Variants in IL1RN observed in about 807,000 individuals in gnomAD.
IL1RN encodes interleukin-1 receptor antagonist protein.
IL1RN carries 10 observed loss-of-function variants against 13.7 expected under a neutral mutation model. The ratio of observed to expected loss-of-function variants is 0.73; its 90% confidence interval spans 0.45 to 1.24. IL1RN has a LOEUF of 1.24. Ranked by LOEUF, IL1RN falls within the 50% of genes most tolerant of loss-of-function variation. IL1RN has a pLI of 0.00. For synonymous variants in IL1RN, 102 were observed against 82.7 expected (o/e 1.23, Z -1.27); for missense variants, 213 against 222.1 (o/e 0.96, Z 0.26).
intron 2 of IL1RN, among the ~76,000 whole-genome samples, chr2:113,121,075 CTCTTCT>C (rs144446043): frequency 8.8e-5 from 3 of 34,054 alleles, no homozygotes; most frequent in South Asian, 2.5e-3. Context: ...CCTCCTCCTC[CTCTTCT>C]TCTTCTTCTT....
At chr2:113,102,971 G>T (rs1377873721), upstream of IL1RN, among the ~76,000 whole-genome samples, 2 of 152,232 alleles carry the variant, frequency 1.3e-5, no homozygotes, top group African/African-American at 2.4e-5. Flanking sequence ...GGCACAGAAG[G>T]AGCTGGGATA....
At chr2:113,130,362 A>C (rs1009137377) in intron 2 of IL1RN, among the ~76,000 whole-genome samples, 1 of 152,258 alleles carries the variant, frequency 6.6e-6, no homozygotes, top group African/African-American at 2.4e-5. Context: ...CCTAATGAAC[A>C]CACTGAAGCA....
At chr2:113,107,850 AT>A (rs1286759989), upstream of IL1RN, among the ~76,000 whole-genome samples, 3 of 152,032 alleles carry the variant, frequency 2.0e-5, no homozygotes, top group African/African-American at 7.2e-5. Flanking sequence ...TCTTTTTAAA[AT>A]TTTTTTTGGG....
At position 113,127,799 on chromosome 2, in the gene IL1RN, T is replaced by C. The variant is rs903224841; in HGVS notation, c.116+59T>C. ...GGATCAGCTGGAGACTGGAAACATA[T>C]CACAGCTGCCAGGGGCTGCCAGGCC... On this transcript the variant is annotated intron_variant, in intron 1 of 3. Coordinates refer to ENST00000409930, the MANE Select transcript of IL1RN (RefSeq NM_173842.3). 6 of 1,557,848 alleles carry C rather than the reference T, an allele frequency of 3.9e-6. No homozygotes were observed. The African/African-American group carries it at 8.1e-5, about 21-fold the overall frequency.
At chr2:113,130,609 G>A (rs1483365537) in intron 2 of IL1RN, among the ~76,000 whole-genome samples, 1 of 129,480 alleles carries the variant, frequency 7.7e-6, no homozygotes, top group African/African-American at 3.0e-5. Flanking sequence ...TAACTGGGTA[G>A]TGTGCATCCT....
At position 113,132,868 on chromosome 2, in the gene IL1RN, G is replaced by T. The variant is rs776534958; in HGVS notation, c.531G>T (p.Glu177Asp). The change falls in exon 4 of 4, where the codon GAG becomes GAT. Residue 177 changes from glutamate (E) to aspartate (D), a missense_variant. Glu to Asp is a conservative substitution (Grantham distance 45). Transcript: ENST00000409930. ...MVTKFYFQED[E>D] The stretch of plus-strand genomic sequence containing the variant: ...CCAAATTCTACTTCCAGGAGGACGA[G>T]TAGTACTGCCCAGGCCTGCCTGTTC... The T allele has an allele frequency of 2.5e-6, 4 of 1,613,958 alleles. No homozygotes were observed. Among genetic ancestry groups the T allele is most frequent in the Non-Finnish European group, 3.4e-6 (4 of 1,179,804 alleles).
upstream of IL1RN, among the ~76,000 whole-genome samples, chr2:113,110,241 C>T (rs1686472523): frequency 1.3e-5 from 2 of 152,182 alleles, no homozygotes; most frequent in South Asian, 2.1e-4. Flanking sequence ...CACTCAAATC[C>T]CAGGTCCTAC....
chr2:113,119,957 T>C (rs1481758393), intron 1 of IL1RN: 1 of 854,384 alleles, frequency 1.2e-6, no homozygotes, highest in South Asian at 1.4e-5. Context: ...GGGTAAAGGA[T>C]AGAGATGGAA....
At chr2:113,112,306 T>C (rs1289059570) in intron 1 of IL1RN, among the ~76,000 whole-genome samples, 1 of 152,218 alleles carries the variant, frequency 6.6e-6, no homozygotes, top group South Asian at 2.1e-4. Context: ...TTTTTCTGGG[T>C]ATAGGACCCT....
chr2:113,118,193 T>C (rs1686645491), intron 1 of IL1RN, among the ~76,000 whole-genome samples: 1 of 152,146 alleles, frequency 6.6e-6, no homozygotes, highest in South Asian at 2.1e-4. Context: ...CGGGGAGGCA[T>C]CCATGGGAGA....
At chr2:113,124,446 C>A (rs996849981), upstream of IL1RN, among the ~76,000 whole-genome samples, 1 of 152,092 alleles carries the variant, frequency 6.6e-6, no homozygotes, top group Non-Finnish European at 1.5e-5. Context: ...ACAGCCCCCC[C>A]CCTTTGGAGT....
intron 1 of IL1RN, among the ~76,000 whole-genome samples, chr2:113,129,195 A>G (rs1328289377): frequency 2.0e-5 from 3 of 152,248 alleles, no homozygotes; most frequent in Non-Finnish European, 4.4e-5. Flanking sequence ...GTCAATAGCC[A>G]CATGTGGTTA....
intron 1 of IL1RN, among the ~76,000 whole-genome samples, chr2:113,111,997 T>C (rs1197897656): frequency 2.0e-5 from 3 of 152,236 alleles, no homozygotes; most frequent in South Asian, 2.1e-4. Flanking sequence ...CCCCAGACTT[T>C]GGGTTGTTGT....
At chr2:113,106,204 A>G (rs1471782403), upstream of IL1RN, among the ~76,000 whole-genome samples, 1 of 152,248 alleles carries the variant, frequency 6.6e-6, no homozygotes, top group Non-Finnish European at 1.5e-5. Flanking sequence ...TATGACTCCA[A>G]AATCAGTGAT....
intron 1 of IL1RN, 42 bp from the exon 2 acceptor site, chr2:113,129,534 C>T (rs770024605): frequency 8.0e-7 from 1 of 1,256,814 alleles, no homozygotes; most frequent in Non-Finnish European, 1.2e-6. Flanking sequence ...AGGCTGGGCA[C>T]ATGGTGGCTG....
intron 1 of IL1RN, 120 bp downstream of exon 1, chr2:113,127,860 GATGTCC>G (rs1687018773): frequency 5.5e-6 from 5 of 916,630 alleles, no homozygotes; most frequent in African/African-American, 1.6e-5. Context: ...GGCTGGAGAG[GATGTCC>G]ATTATTCAAG....
At chr2:113,127,293 C>T (rs1686995340), upstream of IL1RN, among the ~76,000 whole-genome samples, 1 of 152,138 alleles carries the variant, frequency 6.6e-6, no homozygotes, top group African/African-American at 2.4e-5. Flanking sequence ...AACAAACAGA[C>T]TCTGGGTACC....
upstream of IL1RN, among the ~76,000 whole-genome samples, chr2:113,102,547 A>G (rs980190534): frequency 6.6e-6 from 1 of 152,194 alleles, no homozygotes; most frequent in African/African-American, 2.4e-5. Context: ...CGTCTGTGTG[A>G]AAAGACCACC....
At chr2:113,122,861 C>A (rs948585565), upstream of IL1RN, among the ~76,000 whole-genome samples, 6 of 152,176 alleles carry the variant, frequency 3.9e-5, no homozygotes, top group African/African-American at 1.4e-4. Context: ...CACAGTGGCT[C>A]ACACCTGTAA....
Sources: allele counts gnomAD v4.1 joint callset (sites outside exome capture counted in the v4.1 genomes callset), GRCh38; gene constraint gnomAD v4.1.1; transcripts MANE v1.5; gene names NCBI Gene and HGNC (gene_info 2026-07-23, HGNC 2026-07-21).